Variants in ANKRD42 observed in about 807,000 individuals in gnomAD.
ANKRD42 encodes the protein ankyrin repeat domain 42.
A neutral mutation model predicts 51.5 loss-of-function variants in ANKRD42; 43 were observed. The observed-to-expected ratio is 0.83, with a 90% CI of 0.65 to 1.08. The LOEUF is 1.08. Ranked by LOEUF, ANKRD42 falls within the 50% of genes least tolerant of loss-of-function variation. The pLI is 0.00. For synonymous variants in ANKRD42, 203 were observed against 213.0 expected (o/e 0.95, Z 0.41); for missense variants, 608 against 629.3 (o/e 0.97, Z 0.36).
At chr11:83,221,169 G>C (rs1862707521) in intron 5 of ANKRD42, among the ~76,000 whole-genome samples, 1 of 151,494 alleles carries the variant, frequency 6.6e-6, no homozygotes, top group Non-Finnish European at 1.5e-5. Context: ...TTCTGTTATT[G>C]AGAGCCTCTA....
chr11:83,259,336 C>G (rs990383653), downstream of ANKRD42: 5 of 152,110 alleles, frequency 3.3e-5, no homozygotes, highest in Non-Finnish European at 4.4e-5. Flanking sequence ...GAACCACCAT[C>G]AAAATGAAGT....
chr11:83,236,809 G>T (rs1023970377), intron 8 of ANKRD42, among the ~76,000 whole-genome samples: 3 of 152,158 alleles, frequency 2.0e-5, no homozygotes, highest in Non-Finnish European at 4.4e-5. Flanking sequence ...TCCGGTCTGG[G>T]AATGCTAAAT....
At chr11:83,240,704 A>T in intron 8 of ANKRD42, 55 bp from the exon 9 acceptor site, 1 of 1,592,368 alleles carries the variant, frequency 6.3e-7, no homozygotes, top group Non-Finnish European at 8.6e-7. Flanking sequence ...TGCAAGCTGC[A>T]GTTTCAGTTT....
chr11:83,244,575 CT>C (rs2135555764), intron 9 of ANKRD42, among the ~76,000 whole-genome samples: 1 of 152,250 alleles, frequency 6.6e-6, no homozygotes, highest in African/African-American at 2.4e-5. Flanking sequence ...CATCCTGAGC[CT>C]TCACTTACTA....
downstream of ANKRD42, among the ~76,000 whole-genome samples, chr11:83,256,890 T>C (rs1236682388): frequency 6.6e-6 from 1 of 152,194 alleles, no homozygotes; most frequent in Non-Finnish European, 1.5e-5. Context: ...TGCATTGTTG[T>C]GTAATCCTAG....
rs1452033598 is a variant in ANKRD42, at chr11:83,193,737, C to T, written c.-934C>T. On this transcript the variant is annotated 5_prime_UTR_variant, in exon 1 of 11. Transcript: ENST00000533342. ...ACTCGTTTCCAAGGCGACGGCCCTG[C>T]TGCCTCTCCAGCCAAGTGGCTGGAG... The T allele has an allele frequency of 2.4e-6, 1 of 416,882 alleles. No homozygotes were observed. The highest frequency in any genetic ancestry group is 1.6e-5 in the South Asian group (1 of 60,864). The allele number at this position is 416,882 out of a possible 1,614,324, so 25.8% of individuals were successfully genotyped here.
chr11:83,216,376 T>A (rs951463416), intron 5 of ANKRD42, among the ~76,000 whole-genome samples: 1 of 151,616 alleles, frequency 6.6e-6, no homozygotes, highest in Non-Finnish European at 1.5e-5. Flanking sequence ...CAGGCTGGAG[T>A]GCAGTGGCGC....
chr11:83,198,328 A>T, intron 1 of ANKRD42, 151 bp from the exon 2 acceptor site: 1 of 712,690 alleles, frequency 1.4e-6, no homozygotes, highest in South Asian at 2.3e-5. Context: ...TGGAACCAGA[A>T]GTCTGTTTAA....
intron 2 of ANKRD42, among the ~76,000 whole-genome samples, chr11:83,204,388 C>T (rs989439499): frequency 1.3e-5 from 2 of 151,902 alleles, no homozygotes; most frequent in South Asian, 2.1e-4. Context: ...AAACAGAAAA[C>T]GAAAAACCAC....
At chr11:83,204,077 G>A (rs1176864772) in intron 2 of ANKRD42, among the ~76,000 whole-genome samples, 5 of 152,076 alleles carry the variant, frequency 3.3e-5, no homozygotes, top group Middle Eastern at 3.2e-3. Flanking sequence ...TGAGTGGCTG[G>A]TACTGCAGGT....
At chr11:83,195,182 C>T (rs1861594167) in intron 1 of ANKRD42, among the ~76,000 whole-genome samples, 1 of 152,116 alleles carries the variant, frequency 6.6e-6, no homozygotes, top group East Asian at 1.9e-4. Flanking sequence ...TTCTCTTTTT[C>T]TTGTCATTTA....
At chr11:83,250,653 C>T (rs1306639271), downstream of ANKRD42, among the ~76,000 whole-genome samples, 1 of 152,148 alleles carries the variant, frequency 6.6e-6, no homozygotes, top group Admixed American at 6.5e-5. Context: ...GACATTTCCA[C>T]CCGAAATTCC....
chr11:83,223,297 G>A (rs1862770546), intron 5 of ANKRD42, among the ~76,000 whole-genome samples: 1 of 152,186 alleles, frequency 6.6e-6, no homozygotes, highest in Admixed American at 6.5e-5. Flanking sequence ...ATAATAGACT[G>A]CAGTTGAGGG....
chr11:83,200,473 A>AT (rs1861826545), intron 2 of ANKRD42, among the ~76,000 whole-genome samples: 1 of 152,094 alleles, frequency 6.6e-6, no homozygotes, highest in African/African-American at 2.4e-5. Flanking sequence ...TTTTCCCTCC[A>AT]TTTTGTAGTT....
intron 4 of ANKRD42, 116 bp downstream of exon 4, chr11:83,210,535 A>C: frequency 1.6e-6 from 2 of 1,265,464 alleles, no homozygotes; most frequent in South Asian, 1.6e-5. Flanking sequence ...TTGGGAAACT[A>C]ATTTAATTTT....
At chr11:83,212,575 T>A in intron 5 of ANKRD42, 1 of 1,157,862 alleles carries the variant, frequency 8.6e-7, no homozygotes, top group Non-Finnish European at 1.2e-6. Context: ...ACTTAAATGA[T>A]ACCTTAAAGA....
chr11:83,256,554 C>T (rs188890524), downstream of ANKRD42, among the ~76,000 whole-genome samples: 339 of 152,122 alleles, frequency 2.2e-3, 2 homozygotes, highest in Middle Eastern at 6.8e-3. Context: ...TTCCTACCCC[C>T]CTCTCTTTTC....
At chr11:83,216,682 G>T (rs1052879739) in intron 5 of ANKRD42, among the ~76,000 whole-genome samples, 1 of 152,160 alleles carries the variant, frequency 6.6e-6, no homozygotes, top group Non-Finnish European at 1.5e-5. Context: ...GCTTTTGTTT[G>T]TCTGGGAAAG....
Position 83,194,717 on chromosome 11 carries a change from C to T in ANKRD42, c.47C>T (p.Thr16Ile), listed in dbSNP as rs760713904. 2.8e-5 allele frequency: 45 copies of T among 1,595,512 alleles called. No individual in the cohort carries two copies. The highest frequency in any genetic ancestry group is 3.8e-5 in the Non-Finnish European group (45 of 1,171,210). Residue 16 changes from threonine to isoleucine, a missense_variant, in exon 1 of 11, where the codon ACT becomes ATT. By Grantham distance (89) the Thr-to-Ile change is moderately conservative (BLOSUM62 -1). Coordinates refer to ENST00000533342, the MANE Select transcript of ANKRD42 (RefSeq NM_001300975.2). ...NSGPSTSSRE[T>I]ANPCSRKKVH... is the part of the protein sequence containing the mutation. ...GGCCCCTCCACTTCCTCTAGGGAGA[C>T]TGCAAACCCCTGTGAGTCAGACTGT...
Sources: gnomAD v4.1 joint callset for allele counts (sites outside exome capture counted in the v4.1 genomes callset) on GRCh38, gnomAD v4.1.1 for gene constraint, MANE v1.5 for transcripts, NCBI Gene and HGNC (gene_info 2026-07-23, HGNC 2026-07-21) for gene names.